Variants in PTK2 observed in about 807,000 individuals in gnomAD.
PTK2 encodes focal adhesion kinase 1.
In PTK2, 45 loss-of-function variants were observed where a neutral mutation model predicts 150.1. The ratio of observed to expected loss-of-function variants is 0.30; its 90% CI spans 0.24 to 0.38. The LOEUF (loss-of-function observed/expected upper bound fraction) is 0.38. Among genes scored for constraint, PTK2 ranks in the 10% least tolerant of loss-of-function variants. The probability of loss-of-function intolerance (pLI) is 1.00; values close to 1 mark genes in which losing one functional copy is unlikely to be tolerated. For missense variants in PTK2, 919 were observed against 1,307.3 expected, an observed-to-expected ratio of 0.70 and a Z score of 4.58; for synonymous variants, 432 against 449.2, an observed-to-expected ratio of 0.96 and a Z score of 0.48.
chr8:140,893,732 A>T (rs993087282), intron 2 of PTK2, among the ~76,000 whole-genome samples: 1 of 152,188 alleles, frequency 6.6e-6, no homozygotes, highest in African/African-American at 2.4e-5. Flanking sequence ...ATACTAAAAA[A>T]CACTCAATTG....
intron 10 of PTK2, among the ~76,000 whole-genome samples, chr8:140,812,461 C>T (rs1348553286): frequency 6.6e-6 from 1 of 152,196 alleles, no homozygotes; most frequent in African/African-American, 2.4e-5. Context: ...ACCAGTGACA[C>T]TATAAAGCAA....
rs184779792 is a variant in PTK2, at chr8:140,951,583, G to C, written c.-121-25834C>G. On this transcript the variant is annotated intron_variant, in intron 1 of 31. Coordinates refer to ENST00000522684, the Ensembl canonical transcript of PTK2. ...CAAGATGGGTAGATTTTGTCCTATA[G>C]CTAAAAAGTTCCAATGAGGCCAGGA... is the stretch of plus-strand genomic sequence containing the variant. 6.9e-4 allele frequency among the ~76,000 whole-genome samples: 105 copies of C among 152,260 alleles called. 1 individual carries two copies. The highest frequency in any genetic ancestry group is 3.4e-3 in the Middle Eastern group (1 of 294).
intron 14 of PTK2, 129 bp from the exon 17 acceptor site, chr8:140,764,419 T>C (rs1038395048): frequency 1.1e-5 from 8 of 713,648 alleles, no homozygotes; most frequent in African/African-American, 7.1e-5. Context: ...AAAACACTAT[T>C]ACTCAAATTT....
At chr8:140,745,932 G>A (rs966080137) in intron 18 of PTK2, among the ~76,000 whole-genome samples, 7 of 151,814 alleles carry the variant, frequency 4.6e-5, no homozygotes, top group African/African-American at 1.2e-4. Flanking sequence ...CCTGGGAGGC[G>A]GAGGTTGTAA....
rs2100160493 is a variant in PTK2 at position 140,905,458 on chromosome 8, A to G, written c.-32-14689T>C. ...GCATTATATAATGGTAAAGAGATCA[A>G]TGCAACAAGAAGAGCTAACTATCTT... On this transcript the variant is annotated intron_variant, in intron 2 of 31. Transcript: ENST00000522684. Among the ~76,000 whole-genome samples, 4 of 152,236 alleles carry G rather than the reference A, an allele frequency of 2.6e-5. No individual in the cohort carries two copies. The South Asian group carries it at 8.3e-4, about 32-fold the overall frequency.
intron 31 of PTK2, chr8:140,662,781 T>A: frequency 1.8e-6 from 1 of 540,782 alleles, no homozygotes; most frequent in Non-Finnish European, 3.5e-6. Flanking sequence ...ATTTATGTTG[T>A]ATTCCTGACT....
chr8:140,778,022 C>A (rs549514694), intron 14 of PTK2, among the ~76,000 whole-genome samples: 2 of 152,196 alleles, frequency 1.3e-5, no homozygotes, highest in African/African-American at 4.8e-5. Context: ...TCTCCTCACA[C>A]GGCAGCCTTG....
intron 1 of PTK2, among the ~76,000 whole-genome samples, chr8:140,976,906 G>A (rs1368169686): frequency 2.0e-5 from 3 of 151,976 alleles, no homozygotes; most frequent in Non-Finnish European, 4.4e-5. Context: ...TAATTTCAAA[G>A]AATTGGTAAC....
At chr8:140,789,074 T>C (rs751984679) in intron 14 of PTK2, among the ~76,000 whole-genome samples, 4 of 152,184 alleles carry the variant, frequency 2.6e-5, no homozygotes, top group African/African-American at 4.8e-5. Context: ...AAACACCATA[T>C]TGTGAAAGAC....
chr8:140,979,927 G>A (rs962058425), intron 1 of PTK2, among the ~76,000 whole-genome samples: 3 of 152,076 alleles, frequency 2.0e-5, no homozygotes, highest in African/African-American at 4.8e-5. Context: ...ACCCAGTCTC[G>A]GATATGTCTT....
chr8:140,693,571 A>T lies in PTK2; in HGVS notation c.2500-6877T>A, dbSNP rs2100024497. ...GTGAGACTTTGTCTCAATTAAAAAAAAAAAAAAAAAAAAAAAAAAAAAAAA... is the reference window on the plus strand; with the variant it reads ...GTGAGACTTTGTCTCAATTAAAAAATAAAAAAAAAAAAAAAAAAAAAAAAA... On this transcript the variant is annotated intron_variant, in intron 26 of 31. Transcript: ENST00000522684. Among the ~76,000 whole-genome samples, 7 of 44,342 alleles carry T rather than the reference A, an allele frequency of 1.6e-4. 1 individual carries two copies. The highest frequency in any genetic ancestry group is 8.2e-4 in the East Asian group (1 of 1,218). The allele number at this position is 44,342 out of a possible 152,430, so 29.1% of individuals were successfully genotyped here.
At chr8:140,860,842 A>G (rs1478576497) in intron 5 of PTK2, among the ~76,000 whole-genome samples, 1 of 152,080 alleles carries the variant, frequency 6.6e-6, no homozygotes, top group African/African-American at 2.4e-5. Context: ...ACTTCCTCCA[A>G]TTACCATTAC....
chr8:140,776,426 C>G (rs1418259202), intron 14 of PTK2, among the ~76,000 whole-genome samples: 1 of 152,202 alleles, frequency 6.6e-6, no homozygotes, highest in African/African-American at 2.4e-5. Context: ...CAACTTCAAT[C>G]TATGACTTGG....
chr8:140,704,409 C>G (rs538218398), intron 24 of PTK2, among the ~76,000 whole-genome samples: 1 of 152,284 alleles, frequency 6.6e-6, no homozygotes, highest in East Asian at 1.9e-4. Context: ...AGAGACAAGT[C>G]CCCACTCTCA....
Position 140,673,952 on chromosome 8 carries a change from TTTAA to T in PTK2, c.2709+342_2709+345del, listed in dbSNP as rs560509926. 3.9e-5 allele frequency among the ~76,000 whole-genome samples: 6 copies of T among 152,136 alleles called. No homozygotes were observed. In the South Asian group the frequency reaches 8.3e-4, roughly 21 times the overall value. On this transcript the variant is annotated intron_variant, in intron 29 of 31. Coordinates refer to ENST00000522684, the Ensembl canonical transcript of PTK2. ...TCCTCACTTACCCCAAGCATCCTGG[TTTAA>T]TTAATTTTTAAAACCAGAAACAATC...
chr8:140,697,852 GTTTTTTTTTTTTTTTT>G (rs71308981), intron 26 of PTK2, among the ~76,000 whole-genome samples: 4 of 48,026 alleles, frequency 8.3e-5, no homozygotes, highest in African/African-American at 2.7e-4. Context: ...AGGGTTTACT[GTTTTTTTTTTTTTTTT>G]TTTTTTTTTT....
chr8:140,663,905 C>T (rs1010488544), intron 31 of PTK2, among the ~76,000 whole-genome samples: 1 of 152,280 alleles, frequency 6.6e-6, no homozygotes, highest in East Asian at 1.9e-4. Context: ...CCTCTTGTCT[C>T]GGCCGCCCAA....
chr8:140,755,080 A>G (rs772561515), intron 16 of PTK2, among the ~76,000 whole-genome samples: 12 of 152,332 alleles, frequency 7.9e-5, no homozygotes, highest in African/African-American at 2.9e-4. Flanking sequence ...AATAACAGCT[A>G]GTAGACGTTT....
chr8:140,935,825 C>G (rs539346881), intron 1 of PTK2, among the ~76,000 whole-genome samples: 1 of 151,548 alleles, frequency 6.6e-6, no homozygotes, highest in East Asian at 2.0e-4. Flanking sequence ...CATCCGCCAC[C>G]ACACCTGGCT....
Sources: allele counts gnomAD v4.1 joint callset (sites outside exome capture counted in the v4.1 genomes callset), GRCh38; gene constraint gnomAD v4.1.1; transcripts MANE v1.5; gene names NCBI Gene and HGNC (gene_info 2026-07-23, HGNC 2026-07-21).